Variants in LPCAT1 observed in about 807,000 individuals in gnomAD.
LPCAT1 encodes the protein 1-acylglycerol-3-phosphate O-acyltransferase.
In LPCAT1, 23 loss-of-function variants were observed where a neutral mutation model predicts 60.9. That is an observed-to-expected ratio of 0.38 (90% CI 0.27 to 0.53). LPCAT1 has a LOEUF of 0.53. LPCAT1 is among the 20% of genes least tolerant of loss of function. LPCAT1 has a pLI of 0.82. For missense variants in LPCAT1, 622 were observed against 723.6 expected (o/e 0.86, Z 1.61); for synonymous variants, 340 against 301.1 (o/e 1.13, Z -1.34).
intron 10 of LPCAT1, 99 bp from the exon 11 acceptor site, chr5:1,474,209 G>A (rs569184412): frequency 3.1e-6 from 4 of 1,298,368 alleles, no homozygotes; most frequent in African/African-American, 1.5e-5. Flanking sequence ...AAAATTGACA[G>A]AAGTAGCAGC....
Position 1,468,929 on chromosome 5 carries a change from C to G in LPCAT1, c.1278+1897G>C, listed in dbSNP as rs977524997. 1.6e-4 allele frequency among the ~76,000 whole-genome samples: 25 copies of G among 152,346 alleles called. 1 individual carries two copies. The highest frequency in any genetic ancestry group is 6.0e-4 in the African/African-American group (25 of 41,578). On this transcript the variant is annotated intron_variant, in intron 12 of 13. Transcript: ENST00000283415. ...GCCCTTCCTGCTACATGCAGTCCCC[C>G]CAAAATGTGCCAGGCTCCCAGAGCA...
chr5:1,519,263 G>T (rs1736599694), intron 1 of LPCAT1, among the ~76,000 whole-genome samples: 1 of 152,212 alleles, frequency 6.6e-6, no homozygotes, highest in Non-Finnish European at 1.5e-5. Context: ...ATGCTTATGT[G>T]GATGTTTGTG....
intron 1 of LPCAT1, among the ~76,000 whole-genome samples, chr5:1,506,288 C>T (rs796993823): frequency 1.3e-5 from 2 of 152,328 alleles, no homozygotes; most frequent in African/African-American, 4.8e-5. Context: ...TTCACCTCAC[C>T]CAGCTCTGGG....
chr5:1,522,489 G>A lies in LPCAT1; in HGVS notation c.135+1221C>T, dbSNP rs1384669966. Among the ~76,000 whole-genome samples, 2 of 152,070 alleles carry A rather than the reference G, an allele frequency of 1.3e-5. No homozygotes were observed. The highest frequency in any genetic ancestry group is 1.3e-4 in the Admixed American group (2 of 15,274). On this transcript the variant is annotated intron_variant, in intron 1 of 13. Coordinates refer to ENST00000283415, the MANE Select transcript of LPCAT1 (RefSeq NM_024830.5). The surrounding 1 kb of genome is among the most constrained non-coding windows in gnomAD (Gnocchi z 6.8). Reference sequence around the variant, plus strand: ...AGGGCCTGGGAGCCAGGCTGGGGACGACCTCACCCTGTGTGTCACCAGGAG... The same window carrying A: ...AGGGCCTGGGAGCCAGGCTGGGGACAACCTCACCCTGTGTGTCACCAGGAG...
In LPCAT1 at chr5:1,494,095, G is replaced by A. The variant is rs1436001433; in HGVS notation, c.493+605C>T. On this transcript the variant is annotated intron_variant, in intron 3 of 13. Coordinates refer to ENST00000283415, the MANE Select transcript of LPCAT1 (RefSeq NM_024830.5). ...GACGAGAGGGTGAATCTCTGCTGGAGTGAGCCCCCGGCTTTGGGGAGGGGT... is the reference window on the plus strand; with the variant it reads ...GACGAGAGGGTGAATCTCTGCTGGAATGAGCCCCCGGCTTTGGGGAGGGGT... Among the ~76,000 whole-genome samples, 4 of 152,126 alleles carry A rather than the reference G, an allele frequency of 2.6e-5. 1 individual carries two copies. The East Asian group carries it at 7.8e-4, about 30-fold the overall frequency.
chr5:1,513,747 T>A (rs1486634993), intron 1 of LPCAT1, among the ~76,000 whole-genome samples: 1 of 149,210 alleles, frequency 6.7e-6, no homozygotes, highest in Non-Finnish European at 1.5e-5. Context: ...CGGGACACCC[T>A]GCGATTACAT....
Position 1,483,546 on chromosome 5 carries a change from C to T in LPCAT1, c.668-60G>A, listed in dbSNP as rs971989624. The T allele has an allele frequency of 9.0e-5, 140 of 1,549,566 alleles. No homozygotes were observed. Among genetic ancestry groups the T allele is most frequent in the Middle Eastern group, 8.5e-4 (5 of 5,874 alleles). Reference sequence around the variant, plus strand: ...AGCCCACGCAGGACAGCGTCTGCTGCGTTTCTCATGCTGCCCTTGGGATAA... The same window carrying T: ...AGCCCACGCAGGACAGCGTCTGCTGTGTTTCTCATGCTGCCCTTGGGATAA... On this transcript the variant is annotated intron_variant, in intron 5 of 13. Transcript: ENST00000283415. The surrounding 1 kb of genome is among the most constrained non-coding windows in gnomAD (Gnocchi z 9.2).
chr5:1,515,337 G>A (rs1310186206), intron 1 of LPCAT1, among the ~76,000 whole-genome samples: 1 of 151,906 alleles, frequency 6.6e-6, no homozygotes, highest in Non-Finnish European at 1.5e-5. Flanking sequence ...CGAACTGGCT[G>A]CAGATACAGG....
Position 1,461,649 on chromosome 5 carries a change from C to T in LPCAT1, c.*2002G>A, listed in dbSNP as rs941479072. 6.5e-6 allele frequency: 1 copy of T among 152,854 alleles called. No individual in the cohort carries two copies. The highest frequency in any genetic ancestry group is 1.9e-4 in the East Asian group (1 of 5,192). 9.5% of individuals were successfully genotyped at this position (152,854 alleles called of 1,614,324 possible). ...TATGTACATTCACAGTTCCGAATAT[C>T]CGCCAACTCTAAGTCGCCACGAAGA... On this transcript the variant is annotated 3_prime_UTR_variant, in exon 14 of 14. Coordinates refer to ENST00000283415, the MANE Select transcript of LPCAT1 (RefSeq NM_024830.5).
chr5:1,510,288 A>C (rs1736318353), intron 1 of LPCAT1, among the ~76,000 whole-genome samples: 1 of 152,172 alleles, frequency 6.6e-6, no homozygotes, highest in Admixed American at 6.5e-5. Flanking sequence ...CTCAAATCTA[A>C]AATTAAATAT....
rs896484222 is a variant in LPCAT1 at position 1,481,301 on chromosome 5, G to A, written c.727-325C>T. ...AGGTTCCCAGAGCCCCTAGAACCTG[G>A]GAAAAGGGTCCTCCCTCCCTCCATG... On this transcript the variant is annotated intron_variant, in intron 6 of 13. Transcript: ENST00000283415. The surrounding 1 kb of genome is among the most constrained non-coding windows in gnomAD (Gnocchi z 7.8). Among the ~76,000 whole-genome samples the A allele has an allele frequency of 3.9e-5, 6 of 152,294 alleles. No homozygotes were observed. The East Asian group carries it at 7.7e-4, about 20-fold the overall frequency.
intron 1 of LPCAT1, among the ~76,000 whole-genome samples, chr5:1,509,014 G>C (rs1268240411): frequency 6.6e-6 from 1 of 152,278 alleles, no homozygotes; most frequent in East Asian, 1.9e-4. Context: ...GGGTGCTGCG[G>C]TGAGGCCCAC....
At chr5:1,466,449 C>T (rs1403165576) in intron 13 of LPCAT1, among the ~76,000 whole-genome samples, 2 of 152,204 alleles carry the variant, frequency 1.3e-5, no homozygotes. Flanking sequence ...GCGGGTATCC[C>T]CCACCTCCAG....
intron 2 of LPCAT1, 114 bp downstream of exon 2, chr5:1,501,347 G>A (rs1735996113): frequency 1.4e-6 from 2 of 1,401,128 alleles, no homozygotes; most frequent in South Asian, 1.4e-5. Context: ...GGCTCAGAAG[G>A]GAAGGACAGA....
rs1049941958 is a variant in LPCAT1 at position 1,522,990 on chromosome 5, C to A, written c.135+720G>T. Among the ~76,000 whole-genome samples the A allele has an allele frequency of 3.3e-5, 5 of 152,206 alleles. No individual in the cohort carries two copies. Among genetic ancestry groups the A allele is most frequent in the Non-Finnish European group, 7.4e-5 (5 of 68,026 alleles). On this transcript the variant is annotated intron_variant, in intron 1 of 13. Coordinates refer to ENST00000283415, the MANE Select transcript of LPCAT1 (RefSeq NM_024830.5). The surrounding 1 kb of genome is among the most constrained non-coding windows in gnomAD (Gnocchi z 6.8). ...GCAGGATCTCAGCAAACCGTTCCCT[C>A]CCACGTGGCAGCCCAGGTTGCATAA...
intron 1 of LPCAT1, among the ~76,000 whole-genome samples, chr5:1,517,411 C>G (rs952141164): frequency 1.6e-4 from 24 of 152,302 alleles, no homozygotes; most frequent in African/African-American, 5.5e-4. Context: ...CAGTCATGTC[C>G]AAGCAGTACA....
At chr5:1,511,028 G>A (rs574343563) in intron 1 of LPCAT1, among the ~76,000 whole-genome samples, 2 of 152,072 alleles carry the variant, frequency 1.3e-5, no homozygotes, top group African/African-American at 2.4e-5. Flanking sequence ...TTCCTCCTGC[G>A]GGGCGTCCCC....
Position 1,522,620 on chromosome 5 carries a change from G to C in LPCAT1, c.135+1090C>G, listed in dbSNP as rs16879398. 0.16 allele frequency among the ~76,000 whole-genome samples: 23,638 copies of C among 152,178 alleles called. 2,237 individuals are homozygous for C. Among genetic ancestry groups the C allele is most frequent in the Middle Eastern group, 0.27 (79 of 294 alleles). On this transcript the variant is annotated intron_variant, in intron 1 of 13. Coordinates refer to ENST00000283415, the MANE Select transcript of LPCAT1 (RefSeq NM_024830.5). The surrounding 1 kb of genome is among the most constrained non-coding windows in gnomAD (Gnocchi z 6.8). ...AGCAGGCGTCCTGGGAAAATGACAA[G>C]CTCAAACTGGCCTCAAGAACTTTTC...
chr5:1,488,288 A>C (rs1735444921), intron 5 of LPCAT1, 103 bp downstream of exon 5: 1 of 707,944 alleles, frequency 1.4e-6, no homozygotes, highest in African/African-American at 1.8e-5. Flanking sequence ...CACAGGATAA[A>C]AACAGAAACT....
Sources: allele counts gnomAD v4.1 joint callset (sites outside exome capture counted in the v4.1 genomes callset), GRCh38; gene constraint gnomAD v4.1.1; non-coding constraint Gnocchi (gnomAD v3.1); transcripts MANE v1.5; gene names NCBI Gene and HGNC (gene_info 2026-07-23, HGNC 2026-07-21).